The following SIK3 variants were observed in gnomAD, a reference collection of about 807,000 sequenced individuals.
SIK3 encodes SIK family kinase 3.
In SIK3, 28 loss-of-function variants were observed where a neutral mutation model predicts 144.2. That is an observed-to-expected ratio of 0.19 (90% CI 0.14 to 0.27). The LOEUF (loss-of-function observed/expected upper bound fraction) is 0.27. Ranked by LOEUF, SIK3 falls within the 10% of genes least tolerant of loss-of-function variation. The probability of loss-of-function intolerance (pLI) is 1.00; values close to 1 mark genes in which losing one functional copy is unlikely to be tolerated. For missense variants in SIK3, 1,319 were observed against 1,776.0 expected (o/e 0.74, Z 4.62); for synonymous variants, 686 against 676.3 (o/e 1.01, Z -0.22).
At chr11:116,920,159 T>A (rs199770094) in intron 4 of SIK3, among the ~76,000 whole-genome samples, 14 of 121,864 alleles carry the variant, frequency 1.1e-4, no homozygotes, top group East Asian at 4.4e-4. Context: ...CTGCTCACCC[T>A]TTTTTTTTTT....
chr11:116,898,820 T>G (rs940093099), intron 4 of SIK3, among the ~76,000 whole-genome samples: 6 of 152,010 alleles, frequency 3.9e-5, no homozygotes, highest in Non-Finnish European at 5.9e-5. Flanking sequence ...TTTGATGGTG[T>G]TGTTTTTTTC....
intron 6 of SIK3, among the ~76,000 whole-genome samples, chr11:116,880,156 C>T (rs1944471371): frequency 6.6e-6 from 1 of 152,106 alleles, no homozygotes; most frequent in African/African-American, 2.4e-5. Context: ...ACAATAACAA[C>T]AACACCACCA....
chr11:116,944,709 C>T (rs745768998), intron 3 of SIK3, among the ~76,000 whole-genome samples: 4 of 152,114 alleles, frequency 2.6e-5, no homozygotes, highest in Non-Finnish European at 4.4e-5. Flanking sequence ...TAAACCAAAC[C>T]GGGAGTATAT....
intron 1 of SIK3, among the ~76,000 whole-genome samples, chr11:117,058,053 A>C (rs1953618283): frequency 6.6e-6 from 1 of 152,170 alleles, no homozygotes; most frequent in African/African-American, 2.4e-5. Flanking sequence ...CTTAAGATAA[A>C]TACAAATTAA....
intron 4 of SIK3, among the ~76,000 whole-genome samples, chr11:116,917,113 C>G (rs1388490187): frequency 6.6e-6 from 1 of 152,056 alleles, no homozygotes; most frequent in Non-Finnish European, 1.5e-5. Context: ...TGCGACCACA[C>G]CTGGCTTCCA....
intron 4 of SIK3, among the ~76,000 whole-genome samples, chr11:116,913,252 TCA>T (rs1946439521): frequency 6.6e-6 from 1 of 151,696 alleles, no homozygotes. Context: ...AACTCCTGAC[TCA>T]CAGCCTTAGC....
At chr11:117,074,602 T>C (rs1428028379) in intron 1 of SIK3, among the ~76,000 whole-genome samples, 1 of 152,194 alleles carries the variant, frequency 6.6e-6, no homozygotes, top group African/African-American at 2.4e-5. Flanking sequence ...TTAAATCCTC[T>C]AGCATTGTTT....
rs144818596 is a variant in SIK3, at chr11:117,067,138, T to G, written c.273+31005A>C. 9.7e-3 allele frequency among the ~76,000 whole-genome samples: 1,474 copies of G among 152,240 alleles called. 86 individuals carry two copies. Among genetic ancestry groups the G allele is most frequent in the Admixed American group, 0.088 (1,347 of 15,294 alleles). ...TGGCAGTTTCTTTAAAAGTTAAACA[T>G]AAACCTACCAACCATATGACCCAGC... is the stretch of plus-strand genomic sequence containing the variant. On this transcript the variant is annotated intron_variant, in intron 1 of 24. Transcript: ENST00000445177.
intron 2 of SIK3, among the ~76,000 whole-genome samples, chr11:116,956,309 G>C (rs1199838738): frequency 6.7e-6 from 1 of 150,060 alleles, no homozygotes; most frequent in Non-Finnish European, 1.5e-5. Flanking sequence ...ATGATGGCAT[G>C]AAATATGCAT....
chr11:116,953,036 CACTT>C (rs1949001434), intron 3 of SIK3, among the ~76,000 whole-genome samples: 1 of 151,920 alleles, frequency 6.6e-6, no homozygotes, highest in Non-Finnish European at 1.5e-5. Context: ...AAAGGACTAG[CACTT>C]ACCCTAAAGA....
intron 1 of SIK3, among the ~76,000 whole-genome samples, chr11:117,091,823 C>A (rs1034888623): frequency 3.3e-4 from 50 of 152,254 alleles, no homozygotes; most frequent in African/African-American, 1.2e-3. Context: ...CACTCTGTCA[C>A]CCAGGCTGGG....
chr11:116,982,000 T>C (rs7112773), intron 1 of SIK3, among the ~76,000 whole-genome samples: 10,742 of 152,278 alleles, frequency 0.071, 668 homozygotes, highest in African/African-American at 0.17. Flanking sequence ...TCTTTGAGTA[T>C]GGGCGTCTGC....
At chr11:116,904,875 G>A in intron 4 of SIK3, 1 of 166,398 alleles carries the variant, frequency 6.0e-6, no homozygotes. Context: ...GCTGCACCTG[G>A]CCATAACATA....
At chr11:116,941,632 G>T (rs961308013) in intron 3 of SIK3, among the ~76,000 whole-genome samples, 7 of 152,260 alleles carry the variant, frequency 4.6e-5, no homozygotes, top group Non-Finnish European at 8.8e-5. Context: ...GAAGTTCAGG[G>T]TTCCATACAT....
chr11:116,875,859 T>C lies in SIK3; in HGVS notation c.1239+7A>G, dbSNP rs745369381. The stretch of plus-strand genomic sequence containing the variant: ...TCCTGAACTAGGTCACTGGAGTTAT[T>C]GCCCACCTGGATATTGACTGGTGCT... On this transcript the variant is annotated splice_region_variant and intron_variant, in intron 9 of 24. Transcript: ENST00000445177. 12 of 1,597,722 alleles carry C rather than the reference T, an allele frequency of 7.5e-6. No individual in the cohort carries two copies. Among genetic ancestry groups the C allele is most frequent in the East Asian group, 6.7e-5 (3 of 44,800 alleles).
At chr11:117,005,818 G>A (rs1182455548) in intron 1 of SIK3, among the ~76,000 whole-genome samples, 1 of 152,168 alleles carries the variant, frequency 6.6e-6, no homozygotes, top group African/African-American at 2.4e-5. Context: ...AAAGAGGCAG[G>A]ATATCCAGCA....
At chr11:117,015,390 T>C (rs140483812) in intron 1 of SIK3, among the ~76,000 whole-genome samples, 1 of 152,250 alleles carries the variant, frequency 6.6e-6, no homozygotes, top group Admixed American at 6.5e-5. Context: ...CTTAAACTGC[T>C]ATAACCACTT....
intron 1 of SIK3, among the ~76,000 whole-genome samples, chr11:116,985,085 T>C (rs1284983693): frequency 6.6e-6 from 1 of 152,254 alleles, no homozygotes; most frequent in Non-Finnish European, 1.5e-5. Flanking sequence ...TTCATCTATT[T>C]TGTGTTTTAT....
Position 116,873,491 on chromosome 11 carries a change from G to A in SIK3, c.1727C>T (p.Thr576Ile), listed in dbSNP as rs1382808020. ...KRPRGPSPLV[T>I]MTPAVPAVTP... ...TGTGCTGCTACTCACTGGTGTCATG[G>A]TGACAAGCGGAGAGGGTCCCCGTGG... Residue 576 changes from threonine to isoleucine, a missense_variant, in exon 13 of 25, where the codon ACC becomes ATC. Physicochemically the swap from Thr to Ile is moderately conservative, Grantham distance 89. Around this residue, in one of 8 missense-constraint regions of SIK3, gnomAD observed 167 missense variants for 263.3 expected, o/e 0.63. Transcript: ENST00000445177. 1 of 1,614,182 alleles carries A rather than the reference G, an allele frequency of 6.2e-7. No individual in the cohort carries two copies. Among genetic ancestry groups the A allele is most frequent in the Non-Finnish European group, 8.5e-7 (1 of 1,180,016 alleles).
Sources: gnomAD v4.1 joint callset for allele counts (sites outside exome capture counted in the v4.1 genomes callset) on GRCh38, gnomAD v4.1.1 for gene constraint, gnomAD v4.1.1 regional missense constraint, MANE v1.5 for transcripts, NCBI Gene and HGNC (gene_info 2026-07-23, HGNC 2026-07-21) for gene names.